Variants in SRRM2 observed in about 807,000 individuals in gnomAD.
SRRM2 encodes serine/arginine repetitive matrix 2.
In SRRM2, 30 loss-of-function variants were observed where a neutral mutation model predicts 213.8. That is an observed-to-expected ratio of 0.14 (90% CI 0.10 to 0.19). The LOEUF is 0.19. SRRM2 is among the 10% of genes least tolerant of loss of function. The probability of loss-of-function intolerance (pLI) is 1.00; values close to 1 mark genes in which losing one functional copy is unlikely to be tolerated. For missense variants in SRRM2, 4,904 were observed against 3,647.0 expected (o/e 1.34, Z -8.88); for synonymous variants, 2,025 against 1,377.7 (o/e 1.47, Z -10.40).
At position 2,769,204 on chromosome 16, in the gene SRRM2, C is replaced by T. The variant is rs770929161; in HGVS notation, c.7941C>T (p.Ser2647=). Residue 2647 remains serine (S), a synonymous_variant, in exon 12 of 15, where the codon TCC becomes TCT. Transcript: ENST00000301740. ...SSSSSSSSSS[S]SPSPAKPGPQ... ...CATCTTCCTCCTCCTCGTCGTCTTC[C>T]TCCCCTTCCCCTGCTAAGCCTGGCC... 1.3e-5 allele frequency: 21 copies of T among 1,605,832 alleles called. No individual in the cohort carries two copies. The East Asian group carries it at 4.2e-4, about 32-fold the overall frequency.
Position 2,771,322 on chromosome 16 carries a change from CT to C in SRRM2, c.*459del. On this transcript the variant is annotated 3_prime_UTR_variant, in exon 15 of 15. Coordinates refer to ENST00000301740, the MANE Select transcript of SRRM2 (RefSeq NM_016333.4). ...TGAGGTTGTGAACCCCTCCCCCCAA[CT>C]TTTCATGTTTCTTAAAGGCATTTTG... The C allele has an allele frequency of 7.5e-7, 1 of 1,338,434 alleles. No individual in the cohort carries two copies. 82.9% of individuals were successfully genotyped at this position (1,338,434 alleles called of 1,614,324 possible).
intron 8 of SRRM2, 52 bp downstream of exon 8, chr16:2,759,454 G>C: frequency 6.3e-7 from 1 of 1,597,394 alleles, no homozygotes; most frequent in Non-Finnish European, 8.5e-7. Flanking sequence ...CGCCACCTTA[G>C]TGGGAGGGAG....
chr16:2,759,547 T>TGTG (rs749074663), intron 8 of SRRM2, 22 bp from the exon 9 acceptor site: 1 of 1,613,418 alleles, frequency 6.2e-7, no homozygotes, highest in Non-Finnish European at 8.5e-7. Flanking sequence ...TACCCTGAGC[T>TGTG]GTGGTGGTGG....
chr16:2,757,734 C>G, intron 3 of SRRM2, 47 bp from the exon 4 acceptor site: 1 of 1,606,880 alleles, frequency 6.2e-7, no homozygotes, highest in Non-Finnish European at 8.5e-7. Flanking sequence ...CTGAATATGG[C>G]TCTGTCCTTT....
At chr16:2,756,718 G>A (rs2068154622) in intron 2 of SRRM2, 112 bp downstream of exon 2, 1 of 1,428,936 alleles carries the variant, frequency 7.0e-7, no homozygotes, top group African/African-American at 1.4e-5. Flanking sequence ...AAAGAGTTGT[G>A]GTAGGGGAGG....
At position 2,760,393 on chromosome 16, in the gene SRRM2, C is replaced by A. The variant is rs764317722; in HGVS notation, c.926C>A (p.Pro309His). ...GGGCGACGCGGGGAGGGAGATGCGC[C>A]TTTCAGTGAACCAGGTACTACCAGC... ...ASGRRGEGDA[P>H]FSEPGTTSTQ... Residue 309 changes from proline (P) to histidine (H), a missense_variant, in exon 10 of 15, where the codon CCT becomes CAT. Transcript: ENST00000301740. 1 of 1,614,116 alleles carries A rather than the reference C, an allele frequency of 6.2e-7. No individual in the cohort carries two copies. Among genetic ancestry groups the A allele is most frequent in the South Asian group, 1.1e-5 (1 of 91,086 alleles).
chr16:2,758,038 A>G (rs1681940794), intron 4 of SRRM2, 93 bp downstream of exon 4: 4 of 1,453,726 alleles, frequency 2.8e-6, no homozygotes, highest in Non-Finnish European at 2.8e-6. Context: ...TTTCTTCCCA[A>G]ACTCTTCAGA....
Position 2,767,919 on chromosome 16 carries a change from C to T in SRRM2, c.7391C>T (p.Ala2464Val), listed in dbSNP as rs770493893. ...AFSDQSRCLI[A>V]QTTPVAGSQS... ...TCAGACCAATCCCGTTGTTTGATTG[C>T]CCAGACCACCCCTGTAGCAGGGTCT... Residue 2464 changes from alanine (A) to valine (V), a missense_variant, in exon 11 of 15, where the codon GCC becomes GTC. Physicochemically the swap from Ala to Val is moderately conservative, Grantham distance 64 (BLOSUM62 0). Coordinates refer to ENST00000301740, the MANE Select transcript of SRRM2 (RefSeq NM_016333.4). The T allele has an allele frequency of 1.9e-6, 3 of 1,614,152 alleles. No individual in the cohort carries two copies. Among genetic ancestry groups the T allele is most frequent in the Non-Finnish European group, 2.5e-6 (3 of 1,180,042 alleles).
At position 2,763,487 on chromosome 16, in the gene SRRM2, C is replaced by G; in HGVS notation, c.2959C>G (p.Gln987Glu). The change falls in exon 11 of 15, where the codon CAA becomes GAA. Residue 987 changes from glutamine to glutamate, a missense_variant. Gln to Glu is a conservative substitution (Grantham distance 29, BLOSUM62 2). Transcript: ENST00000301740. The stretch of plus-strand genomic sequence containing the variant: ...AGTGAAACCTGAAACACCGCCAAGA[C>G]AAAGTCACTCAGGGTCTATTTCACC... ...TKVKPETPPR[Q>E]SHSGSISPYP... 1 of 1,614,130 alleles carries G rather than the reference C, an allele frequency of 6.2e-7. No homozygotes were observed. The highest frequency in any genetic ancestry group is 1.3e-5 in the African/African-American group (1 of 75,042).
chr16:2,764,099 C>A lies in SRRM2; in HGVS notation c.3571C>A (p.Pro1191Thr). The change falls in exon 11 of 15, where the codon CCA becomes ACA. Residue 1191 changes from proline (P) to threonine (T), a missense_variant. By Grantham distance (38) the Pro-to-Thr change is conservative. Transcript: ENST00000301740. The part of the protein sequence containing the change: ...PRQKDKFSPF[P>T]VQDRPESSLV... ...ACAGAAAGACAAATTTAGTCCCTTT[C>A]CAGTACAGGATAGGCCTGAGTCTTC... 6.2e-7 allele frequency: 1 copy of A among 1,614,164 alleles called. No homozygotes were observed. Among genetic ancestry groups the A allele is most frequent in the Non-Finnish European group, 8.5e-7 (1 of 1,180,030 alleles).
At chr16:2,754,947 C>T (rs897515806) in intron 1 of SRRM2, among the ~76,000 whole-genome samples, 1 of 152,176 alleles carries the variant, frequency 6.6e-6, no homozygotes, top group Non-Finnish European at 1.5e-5. Context: ...TAGGCGCATG[C>T]GCTAGTATAT....
Position 2,761,852 on chromosome 16 carries a change from A to C in SRRM2, c.1324A>C (p.Lys442Gln), listed in dbSNP as rs756513857. The C allele has an allele frequency of 1.9e-6, 3 of 1,612,912 alleles. No homozygotes were observed. In the African/African-American group the frequency reaches 4.0e-5, roughly 22 times the overall value. ...RHASSSPESP[K>Q]PAPAPGSHRE... ...TGCCAGCTCTTCCCCAGAAAGTCCTAAACCTGCTCCAGCTCCAGGGTCCCA... is the reference window on the plus strand; with the variant it reads ...TGCCAGCTCTTCCCCAGAAAGTCCTCAACCTGCTCCAGCTCCAGGGTCCCA... Residue 442 changes from lysine to glutamine, a missense_variant, in exon 11 of 15, where the codon AAA (lysine) becomes CAA (glutamine). Transcript: ENST00000301740.
Position 2,763,179 on chromosome 16 carries a change from G to C in SRRM2, c.2651G>C (p.Arg884Thr). 6.2e-7 allele frequency: 1 copy of C among 1,613,956 alleles called. No individual in the cohort carries two copies. Among genetic ancestry groups the C allele is most frequent in the African/African-American group, 1.3e-5 (1 of 74,970 alleles). ...ESSPDPELKSRTPSRHSCSGS... is the reference protein window; with the variant it reads ...ESSPDPELKSTTPSRHSCSGS... ...TCACCTGACCCTGAGTTGAAATCTAGGACCCCTTCTAGACATAGCTGCTCA... is the reference window on the plus strand; with the variant it reads ...TCACCTGACCCTGAGTTGAAATCTACGACCCCTTCTAGACATAGCTGCTCA... The change falls in exon 11 of 15, where the codon AGG becomes ACG. Residue 884 changes from arginine (R) to threonine (T), a missense_variant. Transcript: ENST00000301740.
intron 1 of SRRM2, among the ~76,000 whole-genome samples, chr16:2,753,211 G>T (rs1454322964): frequency 6.6e-6 from 1 of 152,124 alleles, no homozygotes; most frequent in East Asian, 1.9e-4. Flanking sequence ...TGGCGGGGAA[G>T]GGGCGGCGGC....
chr16:2,763,413 G>C lies in SRRM2; in HGVS notation c.2885G>C (p.Arg962Thr). The change falls in exon 11 of 15, where the codon AGA (arginine) becomes ACA (threonine). Residue 962 changes from arginine to threonine, a missense_variant. Transcript: ENST00000301740. ...TCTCCCTGCTCCAATGTGGAATCCAGATTGTTGCCAAGATACAGTCATTCT... is the reference window on the plus strand; with the variant it reads ...TCTCCCTGCTCCAATGTGGAATCCACATTGTTGCCAAGATACAGTCATTCT... ...SVSPCSNVES[R>T]LLPRYSHSGS... The C allele has an allele frequency of 6.2e-7, 1 of 1,614,206 alleles. No individual in the cohort carries two copies. Among genetic ancestry groups the C allele is most frequent in the Non-Finnish European group, 8.5e-7 (1 of 1,180,042 alleles).
Position 2,759,357 on chromosome 16 carries a change from C to T in SRRM2, c.695C>T (p.Pro232Leu). Reference sequence around the variant, plus strand: ...AACCTTTCCTTATTTCCCAGGTCTCCCACTCCAAAGAGCAAACGTAAATCT... The same window carrying T: ...AACCTTTCCTTATTTCCCAGGTCTCTCACTCCAAAGAGCAAACGTAAATCT... ...SESKKRKHRS[P>L]TPKSKRKSKD... Residue 232 changes from proline to leucine, a missense_variant, in exon 8 of 15, where the codon CCC (proline) becomes CTC (leucine). Transcript: ENST00000301740. The T allele has an allele frequency of 1.2e-6, 2 of 1,601,022 alleles. No individual in the cohort carries two copies. The highest frequency in any genetic ancestry group is 2.2e-5 in the East Asian group (1 of 44,856).
rs1485179229 is a variant in SRRM2 at position 2,765,840 on chromosome 16, A to C, written c.5312A>C (p.Gln1771Pro). ...RSPSPKPRGL[Q>P]RSRSRSRREK... Reference sequence around the variant, plus strand: ...CCTTCGCCAAAGCCTCGTGGACTCCAGAGGTCCCGTTCCCGCTCAAGGAGA... The same window carrying C: ...CCTTCGCCAAAGCCTCGTGGACTCCCGAGGTCCCGTTCCCGCTCAAGGAGA... The change falls in exon 11 of 15, where the codon CAG (glutamine) becomes CCG (proline). Residue 1771 changes from glutamine to proline, a missense_variant. Transcript: ENST00000301740. 6.2e-7 allele frequency: 1 copy of C among 1,613,948 alleles called. No homozygotes were observed. The highest frequency in any genetic ancestry group is 1.3e-5 in the African/African-American group (1 of 74,908).
At chr16:2,758,592 T>C in intron 5 of SRRM2, 45 bp downstream of exon 5, 1 of 1,554,860 alleles carries the variant, frequency 6.4e-7, no homozygotes, top group Non-Finnish European at 8.9e-7. Context: ...GGACCAATCC[T>C]GTGGTGTACC....
At position 2,756,357 on chromosome 16, in the gene SRRM2, A is replaced by C. The variant is rs1412694975; in HGVS notation, c.-8A>C. 1 of 1,594,726 alleles carries C rather than the reference A, an allele frequency of 6.3e-7. No individual in the cohort carries two copies. The highest frequency in any genetic ancestry group is 1.3e-5 in the African/African-American group (1 of 74,508). On this transcript the variant is annotated 5_prime_UTR_variant, in exon 2 of 15. Coordinates refer to ENST00000301740, the MANE Select transcript of SRRM2 (RefSeq NM_016333.4). The stretch of plus-strand genomic sequence containing the variant: ...AGGAGCGGTGGTGCCCCCCCCGGGC[A>C]CGGGGCCATGTACAACGGGATCGGG...
Sources: allele counts gnomAD v4.1 joint callset (sites outside exome capture counted in the v4.1 genomes callset), GRCh38; gene constraint gnomAD v4.1.1; transcripts MANE v1.5; gene names NCBI Gene and HGNC (gene_info 2026-07-23, HGNC 2026-07-21).